The following CCDC91 variants were observed in gnomAD, a reference collection of about 807,000 sequenced individuals.
CCDC91 encodes coiled-coil domain-containing protein 91.
A neutral mutation model predicts 63.2 loss-of-function variants in CCDC91; 48 were observed. The observed-to-expected ratio is 0.76, with a 90% CI of 0.60 to 0.97. The LOEUF (loss-of-function observed/expected upper bound fraction) is 0.97, where lower values mean the gene tolerates loss of function less well. CCDC91 is among the 50% of genes least tolerant of loss of function. The pLI is 0.00. For missense variants in CCDC91, 500 were observed against 494.6 expected (o/e 1.01, Z -0.10); for synonymous variants, 167 against 165.8 (o/e 1.01, Z -0.06).
At position 28,382,377 on chromosome 12, in the gene CCDC91, A is replaced by G. The variant is rs147821274; in HGVS notation, c.655-8927A>G. On this transcript the variant is annotated intron_variant, in intron 7 of 12. Coordinates refer to ENST00000536442, the MANE Select transcript of CCDC91 (RefSeq NM_018318.5). ...AATGTTGATCCTAGGTTGAATCCACAGAACATGAATTTCCTATGTCATAAA... is the reference window on the plus strand; with the variant it reads ...AATGTTGATCCTAGGTTGAATCCACGGAACATGAATTTCCTATGTCATAAA... 4.3e-3 allele frequency among the ~76,000 whole-genome samples: 649 copies of G among 152,088 alleles called. 1 individual carries two copies. The highest frequency in any genetic ancestry group is 7.5e-3 in the Non-Finnish European group (507 of 67,960).
intron 1 of CCDC91, among the ~76,000 whole-genome samples, chr12:28,242,784 G>C (rs571141326): frequency 2.4e-4 from 36 of 152,230 alleles, no homozygotes; most frequent in African/African-American, 8.2e-4. Flanking sequence ...TTGGATCATG[G>C]GGACAGTTCC....
At chr12:28,293,182 T>C (rs1949351342) in intron 3 of CCDC91, among the ~76,000 whole-genome samples, 1 of 152,052 alleles carries the variant, frequency 6.6e-6, no homozygotes, top group Non-Finnish European at 1.5e-5. Context: ...CAGAAGAAGC[T>C]CATTCAGAGA....
rs553000098 is a variant in CCDC91, at chr12:28,403,388, T to G, written c.762+11977T>G. Among the ~76,000 whole-genome samples, 15 of 152,242 alleles carry G rather than the reference T, an allele frequency of 9.9e-5. No individual in the cohort carries two copies. The East Asian group carries it at 2.7e-3, about 27-fold the overall frequency. On this transcript the variant is annotated intron_variant, in intron 8 of 12. Coordinates refer to ENST00000536442, the MANE Select transcript of CCDC91 (RefSeq NM_018318.5). ...ATTTACTTCTTACAGTTCTAGAGAC[T>G]AAGAAGTCCAAGATCAAGGTACCTG...
At chr12:28,280,212 G>T (rs1206714022) in intron 3 of CCDC91, among the ~76,000 whole-genome samples, 6 of 151,828 alleles carry the variant, frequency 4.0e-5, no homozygotes, top group Non-Finnish European at 7.4e-5. Flanking sequence ...AATACTATAA[G>T]ATTTTAGTAG....
intron 8 of CCDC91, chr12:28,412,893 G>GA (rs955697252): frequency 4.8e-6 from 2 of 418,304 alleles, no homozygotes; most frequent in Non-Finnish European, 9.6e-6. Context: ...CTCGACCCAG[G>GA]AAGTCCAGCT....
intron 3 of CCDC91, among the ~76,000 whole-genome samples, chr12:28,302,038 C>T (rs1243388116): frequency 6.6e-6 from 1 of 151,614 alleles, no homozygotes; most frequent in African/African-American, 2.4e-5. Context: ...AATGCAGTAT[C>T]TTTATTATTT....
chr12:28,514,275 T>G (rs2141320982), intron 12 of CCDC91, among the ~76,000 whole-genome samples: 1 of 152,174 alleles, frequency 6.6e-6, no homozygotes, highest in East Asian at 1.9e-4. Context: ...GAAAAGTGTC[T>G]GTTAATGTTC....
intron 8 of CCDC91, among the ~76,000 whole-genome samples, chr12:28,429,221 T>A (rs997660963): frequency 2.0e-5 from 3 of 152,170 alleles, no homozygotes; most frequent in Non-Finnish European, 4.4e-5. Flanking sequence ...AATTTTTAGG[T>A]GACCACTGAT....
At chr12:28,486,194 A>G (rs985056424) in intron 12 of CCDC91, among the ~76,000 whole-genome samples, 1 of 152,150 alleles carries the variant, frequency 6.6e-6, no homozygotes, top group Non-Finnish European at 1.5e-5. Flanking sequence ...TATGAATGTG[A>G]CTAGTTTAGA....
At chr12:28,426,074 G>A (rs1303903522) in intron 8 of CCDC91, among the ~76,000 whole-genome samples, 4 of 152,078 alleles carry the variant, frequency 2.6e-5, no homozygotes, top group African/African-American at 9.7e-5. Context: ...TTATTATAAT[G>A]TGGTATATCT....
intron 8 of CCDC91, among the ~76,000 whole-genome samples, chr12:28,433,047 T>A (rs1948714504): frequency 6.6e-6 from 1 of 150,970 alleles, no homozygotes; most frequent in South Asian, 2.1e-4. Context: ...CTTTTACCCA[T>A]TTTTTTTTAA....
intron 12 of CCDC91, among the ~76,000 whole-genome samples, chr12:28,523,385 T>G (rs1940929860): frequency 6.6e-6 from 1 of 152,196 alleles, no homozygotes. Context: ...TATCAGAGAC[T>G]AGGATTGCAA....
At chr12:28,290,977 C>T (rs1185759655) in intron 3 of CCDC91, among the ~76,000 whole-genome samples, 2 of 152,046 alleles carry the variant, frequency 1.3e-5, no homozygotes, top group Admixed American at 1.3e-4. Context: ...AAGGTATTTC[C>T]TCACCACCGT....
At chr12:28,532,454 T>C (rs1941817989) in intron 12 of CCDC91, among the ~76,000 whole-genome samples, 1 of 152,106 alleles carries the variant, frequency 6.6e-6, no homozygotes, top group Non-Finnish European at 1.5e-5. Context: ...AATATCTATA[T>C]ATATTTCAGA....
chr12:28,246,132 C>A (rs537366455), intron 1 of CCDC91, among the ~76,000 whole-genome samples: 1 of 152,076 alleles, frequency 6.6e-6, no homozygotes, highest in Admixed American at 6.6e-5. Flanking sequence ...AAGTTAGGTC[C>A]CCCAAATTGA....
chr12:28,241,236 T>C (rs1272858747), intron 1 of CCDC91, among the ~76,000 whole-genome samples: 1 of 152,210 alleles, frequency 6.6e-6, no homozygotes, highest in Non-Finnish European at 1.5e-5. Flanking sequence ...GAAAAGAACA[T>C]GCTTTCTTTT....
At chr12:28,332,981 G>A (rs1179688091) in intron 6 of CCDC91, among the ~76,000 whole-genome samples, 2 of 152,040 alleles carry the variant, frequency 1.3e-5, no homozygotes, top group African/African-American at 2.4e-5. Flanking sequence ...GAAAAACATG[G>A]TGTTAAAAAG....
intron 1 of CCDC91, among the ~76,000 whole-genome samples, chr12:28,214,189 T>G (rs544309165): frequency 6.6e-6 from 1 of 152,204 alleles, no homozygotes; most frequent in African/African-American, 2.4e-5. Flanking sequence ...CCTGGTCACT[T>G]TGGACTCCTC....
chr12:28,503,788 A>G (rs1938307718), intron 12 of CCDC91, among the ~76,000 whole-genome samples: 1 of 152,188 alleles, frequency 6.6e-6, no homozygotes, highest in Admixed American at 6.6e-5. Flanking sequence ...CTTTGTAGGG[A>G]CATGGATGAA....
Sources: gnomAD v4.1 joint callset for allele counts (sites outside exome capture counted in the v4.1 genomes callset) on GRCh38, gnomAD v4.1.1 for gene constraint, MANE v1.5 for transcripts, NCBI Gene and HGNC (gene_info 2026-07-23, HGNC 2026-07-21) for gene names.